Variants in HPCAL1 observed in about 807,000 individuals in gnomAD.
HPCAL1 encodes hippocalcin-like protein 1.
Under a neutral mutation model 17.1 loss-of-function variants are expected in HPCAL1, and 8 were observed. The observed-to-expected ratio is 0.47, with a 90% CI of 0.27 to 0.84. The LOEUF (loss-of-function observed/expected upper bound fraction) is 0.84. Among genes scored for constraint, HPCAL1 ranks in the 40% least tolerant of loss-of-function variants. HPCAL1 has a pLI of 0.13. For missense variants in HPCAL1, 165 were observed against 271.1 expected (o/e 0.61, Z 2.75); for synonymous variants, 112 against 111.4 (o/e 1.01, Z -0.03).
intron 1 of HPCAL1, among the ~76,000 whole-genome samples, chr2:10,319,312 G>C (rs1054180326): frequency 1.3e-5 from 2 of 152,156 alleles, no homozygotes; most frequent in African/African-American, 2.4e-5. Context: ...AGGCTTGCAG[G>C]GGAAATGGGA....
chr2:10,414,946 A>G (rs756862376), intron 2 of HPCAL1, among the ~76,000 whole-genome samples: 1 of 152,220 alleles, frequency 6.6e-6, no homozygotes, highest in Non-Finnish European at 1.5e-5. Context: ...TCCCCTCCAG[A>G]TGCTGGCTGC....
chr2:10,314,230 C>T (rs919404241), intron 1 of HPCAL1, among the ~76,000 whole-genome samples: 2 of 148,676 alleles, frequency 1.3e-5, no homozygotes, highest in African/African-American at 5.0e-5. Flanking sequence ...CATTATGATT[C>T]AGAAGAAACT....
chr2:10,332,367 CAT>C, intron 1 of HPCAL1, among the ~76,000 whole-genome samples: 1 of 152,304 alleles, frequency 6.6e-6, no homozygotes, highest in East Asian at 1.9e-4. Context: ...CACAGGTTTC[CAT>C]TTTCTCTAGA....
intron 1 of HPCAL1, among the ~76,000 whole-genome samples, chr2:10,356,218 G>C (rs1237834575): frequency 6.6e-6 from 1 of 152,172 alleles, no homozygotes; most frequent in African/African-American, 2.4e-5. Context: ...CAGCTCCTAA[G>C]CTACTAAACC....
rs1273335226 is a variant in HPCAL1 at position 10,362,618 on chromosome 2, A to G, written c.-110-34217A>G. On this transcript the variant is annotated intron_variant, in intron 1 of 4. Coordinates refer to ENST00000307845, the MANE Select transcript of HPCAL1 (RefSeq NM_002149.4). The surrounding 1 kb of genome is among the most constrained non-coding windows in gnomAD (Gnocchi z 5.0). Reference sequence around the variant, plus strand: ...TTGGCAGCCTCACCAGGGACATATCAGCCCCAGGCTGATTATCTGCAGACC... The same window carrying G: ...TTGGCAGCCTCACCAGGGACATATCGGCCCCAGGCTGATTATCTGCAGACC... 2.6e-5 allele frequency among the ~76,000 whole-genome samples: 4 copies of G among 152,322 alleles called. No homozygotes were observed. The South Asian group carries it at 6.2e-4, about 24-fold the overall frequency.
intron 2 of HPCAL1, among the ~76,000 whole-genome samples, chr2:10,409,247 A>C (rs948702315): frequency 6.6e-6 from 1 of 152,138 alleles, no homozygotes; most frequent in Non-Finnish European, 1.5e-5. Context: ...ACACGGAGGC[A>C]CCTGAGAGGG....
rs11681669 is a variant in HPCAL1 at position 10,364,595 on chromosome 2, T to G, written c.-110-32240T>G. Among the ~76,000 whole-genome samples, 390 of 151,818 alleles carry G rather than the reference T, an allele frequency of 2.6e-3. 1 individual carries two copies. The highest frequency in any genetic ancestry group is 4.2e-3 in the Non-Finnish European group (287 of 67,814). ...CCTAAGCTCCCGCCTCCTTTTTTTT[T>G]TTTTTTGGAGACAGTGGCTCACTCT... On this transcript the variant is annotated intron_variant, in intron 1 of 4. Transcript: ENST00000307845.
rs141296243 is a variant in HPCAL1 at position 10,385,502 on chromosome 2, G to A, written c.-110-11333G>A. ...GGTGCAGACACTTGCTGCTTCTCTC[G>A]GAGGCCGGGCTGGGCTGTGATTTTT... On this transcript the variant is annotated intron_variant, in intron 1 of 4. Transcript: ENST00000307845. 2.2e-3 allele frequency among the ~76,000 whole-genome samples: 338 copies of A among 152,264 alleles called. 2 individuals carry two copies. The highest frequency in any genetic ancestry group is 3.9e-3 in the Non-Finnish European group (264 of 68,004).
At chr2:10,423,223 T>G in intron 4 of HPCAL1, 135 bp downstream of exon 4, 1 of 684,296 alleles carries the variant, frequency 1.5e-6, no homozygotes, top group African/African-American at 1.8e-5. Flanking sequence ...GCCTGGCGCC[T>G]GCCATGCCCA....
intron 1 of HPCAL1, among the ~76,000 whole-genome samples, chr2:10,370,961 T>C (rs1266862364): frequency 3.9e-5 from 6 of 152,146 alleles, no homozygotes; most frequent in Non-Finnish European, 8.8e-5. Context: ...ACCTGTGGGA[T>C]CCGAGGCAGA....
chr2:10,384,099 C>T lies in HPCAL1; in HGVS notation c.-110-12736C>T, dbSNP rs1475262781. Among the ~76,000 whole-genome samples, 1 of 152,128 alleles carries T rather than the reference C, an allele frequency of 6.6e-6. No homozygotes were observed. The highest frequency in any genetic ancestry group is 1.5e-5 in the Non-Finnish European group (1 of 68,034). On this transcript the variant is annotated intron_variant, in intron 1 of 4. Coordinates refer to ENST00000307845, the MANE Select transcript of HPCAL1 (RefSeq NM_002149.4). This position sits in a 1 kb window ranked among gnomAD's most constrained non-coding sequence, Gnocchi z 4.4. Reference sequence around the variant, plus strand: ...TGGCTCCATGGCAAGAATCAGCATCCTAATACTTGCCCCACCCTTTAAAAT... The same window carrying T: ...TGGCTCCATGGCAAGAATCAGCATCTTAATACTTGCCCCACCCTTTAAAAT...
intron 1 of HPCAL1, among the ~76,000 whole-genome samples, chr2:10,383,308 G>A (rs1668088463): frequency 6.6e-6 from 1 of 152,234 alleles, no homozygotes; most frequent in East Asian, 2.0e-4. Flanking sequence ...AGAGGTTGAG[G>A]CTGCAGTGAG....
chr2:10,391,811 C>T (rs112060230), intron 1 of HPCAL1, among the ~76,000 whole-genome samples: 17 of 151,932 alleles, frequency 1.1e-4, no homozygotes, highest in African/African-American at 1.4e-4. Flanking sequence ...TGCAGTGGCA[C>T]GATCTCAGCT....
rs1664323475 is a variant in HPCAL1, at chr2:10,330,872, T to A, written c.-111+27695T>A. ...CCGATCATCTTTGTGAGAATGCAGG[T>A]TCCCAGGCCCACACCGTGCTGGTTG... On this transcript the variant is annotated intron_variant, in intron 1 of 4. Coordinates refer to ENST00000307845, the MANE Select transcript of HPCAL1 (RefSeq NM_002149.4). The surrounding 1 kb of genome is among the most constrained non-coding windows in gnomAD (Gnocchi z 4.2). 6.6e-6 allele frequency among the ~76,000 whole-genome samples: 1 copy of A among 152,178 alleles called. No individual in the cohort carries two copies. The highest frequency in any genetic ancestry group is 6.5e-5 in the Admixed American group (1 of 15,284).
In HPCAL1 at chr2:10,395,523, G is replaced by T. The variant is rs556176193; in HGVS notation, c.-110-1312G>T. On this transcript the variant is annotated intron_variant, in intron 1 of 4. Coordinates refer to ENST00000307845, the MANE Select transcript of HPCAL1 (RefSeq NM_002149.4). This position sits in a 1 kb window ranked among gnomAD's most constrained non-coding sequence, Gnocchi z 4.4. ...TGCAGCACCCCCATTGTGCAGGAGC[G>T]AGGGGAGCCCCGCTGGCACGCCGCA... Among the ~76,000 whole-genome samples the T allele has an allele frequency of 1.3e-5, 2 of 152,234 alleles. No individual in the cohort carries two copies. Among genetic ancestry groups the T allele is most frequent in the African/African-American group, 4.8e-5 (2 of 41,460 alleles).
In HPCAL1 at chr2:10,395,113, AACAC is replaced by A. The variant is rs55678486; in HGVS notation, c.-110-1679_-110-1676del. ...TGTCCAGCCTAAAATCTATCTTTAA[AACAC>A]ACACACACACACACACACACACACA... On this transcript the variant is annotated intron_variant, in intron 1 of 4. Coordinates refer to ENST00000307845, the MANE Select transcript of HPCAL1 (RefSeq NM_002149.4). This position sits in a 1 kb window ranked among gnomAD's most constrained non-coding sequence, Gnocchi z 4.4. Among the ~76,000 whole-genome samples the A allele has an allele frequency of 0.097, 13,446 of 138,208 alleles. 636 individuals carry two copies. The highest frequency in any genetic ancestry group is 0.14 in the Middle Eastern group (40 of 280). 90.7% of individuals were successfully genotyped at this position (138,208 alleles called of 152,430 possible). A position where few individuals can be genotyped will look rare whatever the true frequency, so the allele number is the denominator to read the frequency against.
chr2:10,389,908 T>C (rs1668582222), intron 1 of HPCAL1, among the ~76,000 whole-genome samples: 1 of 152,176 alleles, frequency 6.6e-6, no homozygotes, highest in African/African-American at 2.4e-5. Context: ...ATGAAGGAGG[T>C]CAGCTGCTGC....
In HPCAL1 at chr2:10,331,143, C is replaced by T. The variant is rs1323958754; in HGVS notation, c.-111+27966C>T. On this transcript the variant is annotated intron_variant, in intron 1 of 4. Transcript: ENST00000307845. The surrounding 1 kb of genome is among the most constrained non-coding windows in gnomAD (Gnocchi z 5.0). ...AGTGACCGCACCCTCTTACTGCATG[C>T]GGGCCTTGCCAAGAGCCTGCAGAGG... Among the ~76,000 whole-genome samples, 2 of 152,174 alleles carry T rather than the reference C, an allele frequency of 1.3e-5. No individual in the cohort carries two copies. Among genetic ancestry groups the T allele is most frequent in the African/African-American group, 2.4e-5 (1 of 41,440 alleles).
intron 2 of HPCAL1, among the ~76,000 whole-genome samples, chr2:10,413,267 C>T (rs899466548): frequency 6.6e-6 from 1 of 152,234 alleles, no homozygotes; most frequent in Non-Finnish European, 1.5e-5. Context: ...TGGCTGGTGT[C>T]ACTCCTCTCT....
Sources: allele counts gnomAD v4.1 joint callset (sites outside exome capture counted in the v4.1 genomes callset), GRCh38; gene constraint gnomAD v4.1.1; non-coding constraint Gnocchi (gnomAD v3.1); transcripts MANE v1.5; gene names NCBI Gene and HGNC (gene_info 2026-07-23, HGNC 2026-07-21).